The following AK4 variants were observed in gnomAD, a reference collection of about 807,000 sequenced individuals.
The protein encoded by AK4 is adenylate kinase 4.
A neutral mutation model predicts 24.6 loss-of-function variants in AK4; 13 were observed. The ratio of observed to expected loss-of-function variants is 0.53; its 90% CI spans 0.34 to 0.84. AK4 has a LOEUF of 0.84. AK4 is among the 40% of genes least tolerant of loss of function. The pLI, the probability that AK4 is intolerant of heterozygous loss-of-function variation, is 0.01. For synonymous variants in AK4, 88 were observed against 107.0 expected (o/e 0.82, Z 1.10); for missense variants, 192 against 288.2 (o/e 0.67, Z 2.42).
rs143760168 is a variant in AK4, at chr1:65,165,438, C to T, written c.145+16886C>T. Among the ~76,000 whole-genome samples, 775 of 152,056 alleles carry T rather than the reference C, an allele frequency of 5.1e-3. 9 individuals carry two copies. Among genetic ancestry groups the T allele is most frequent in the African/African-American group, 0.018 (733 of 41,486 alleles). ...CACACCACACCTTTTGTCCCAGCTA[C>T]TTGGGAGGCTGAGGCAGGAGGATCA... On this transcript the variant is annotated intron_variant, in intron 1 of 4. Coordinates refer to ENST00000327299, the MANE Select transcript of AK4 (RefSeq NM_013410.4).
chr1:65,215,527 A>G (rs1034070472), intron 2 of AK4, among the ~76,000 whole-genome samples: 1 of 152,038 alleles, frequency 6.6e-6, no homozygotes, highest in African/African-American at 2.4e-5. Context: ...TCAAATGGAG[A>G]ACCCTTGAAG....
intron 1 of AK4, among the ~76,000 whole-genome samples, chr1:65,170,480 A>T (rs766960749): frequency 6.6e-6 from 1 of 152,208 alleles, no homozygotes; most frequent in Non-Finnish European, 1.5e-5. Context: ...ACACTGCTGG[A>T]GCTCAGATCC....
chr1:65,175,673 C>T (rs1650689558), intron 1 of AK4, among the ~76,000 whole-genome samples: 1 of 152,136 alleles, frequency 6.6e-6, no homozygotes, highest in African/African-American at 2.4e-5. Context: ...CCAGAGGGCC[C>T]CTGAGATTTC....
intron 2 of AK4, among the ~76,000 whole-genome samples, chr1:65,191,843 T>C (rs1255488324): frequency 6.6e-6 from 1 of 152,054 alleles, no homozygotes; most frequent in Non-Finnish European, 1.5e-5. Context: ...CCAGAGATCA[T>C]TGGAATAACT....
intron 1 of AK4, among the ~76,000 whole-genome samples, chr1:65,162,727 G>A (rs747991598): frequency 6.6e-6 from 1 of 151,672 alleles, no homozygotes; most frequent in Non-Finnish European, 1.5e-5. Context: ...TTACAGAGTT[G>A]TAAAACGATC....
rs777015692 is a variant in AK4, at chr1:65,148,478, G to A, written c.71G>A (p.Arg24Lys). ...TCGGGCAAGGGCACCGTGTGCCAGAGGATCGCCCAGAACTTTGGTCTCCAG... is the reference window on the plus strand; with the variant it reads ...TCGGGCAAGGGCACCGTGTGCCAGAAGATCGCCCAGAACTTTGGTCTCCAG... ...PGSGKGTVCQ[R>K]IAQNFGLQHL... The change falls in exon 1 of 5, where the codon AGG becomes AAG. Residue 24 changes from arginine to lysine, a missense_variant. Arg to Lys is a conservative substitution (Grantham distance 26). Transcript: ENST00000327299. 3.3e-5 allele frequency: 52 copies of A among 1,576,522 alleles called. No individual in the cohort carries two copies. The African/African-American group carries it at 5.7e-4, about 17-fold the overall frequency.
intron 2 of AK4, among the ~76,000 whole-genome samples, chr1:65,195,658 T>C (rs912261668): frequency 5.9e-5 from 9 of 152,142 alleles, no homozygotes; most frequent in Non-Finnish European, 1.0e-4. Context: ...GGCCTCTGGT[T>C]GCTCATGAAA....
At chr1:65,184,137 ATC>A (rs939296299) in intron 1 of AK4, among the ~76,000 whole-genome samples, 5 of 152,218 alleles carry the variant, frequency 3.3e-5, no homozygotes, top group African/African-American at 9.6e-5. Context: ...CCAAGATTAT[ATC>A]TATTTGAATT....
chr1:65,179,618 C>T (rs1650832576), intron 1 of AK4, among the ~76,000 whole-genome samples: 2 of 152,064 alleles, frequency 1.3e-5, no homozygotes, highest in Non-Finnish European at 2.9e-5. Flanking sequence ...GCAGGAGGAT[C>T]CCTTGAACTC....
intron 3 of AK4, among the ~76,000 whole-genome samples, chr1:65,219,605 T>C (rs1652235750): frequency 6.6e-6 from 1 of 152,204 alleles, no homozygotes; most frequent in Non-Finnish European, 1.5e-5. Context: ...ATTAATATAC[T>C]TGATTTTTAG....
intron 1 of AK4, among the ~76,000 whole-genome samples, chr1:65,166,801 G>A (rs1305032214): frequency 6.6e-6 from 1 of 151,938 alleles, no homozygotes; most frequent in Non-Finnish European, 1.5e-5. Flanking sequence ...GATTACAGAT[G>A]TGAGCCACTG....
chr1:65,173,724 G>A (rs933565183), intron 1 of AK4, among the ~76,000 whole-genome samples: 5 of 152,100 alleles, frequency 3.3e-5, no homozygotes, highest in East Asian at 1.9e-4. Context: ...TTAGCCAGGC[G>A]TGGTAGCGCA....
intron 1 of AK4, among the ~76,000 whole-genome samples, chr1:65,173,524 G>A (rs1650610972): frequency 1.3e-5 from 2 of 151,996 alleles, no homozygotes; most frequent in Non-Finnish European, 2.9e-5. Flanking sequence ...GTCTTTCCTT[G>A]GAAAGGCTGC....
At chr1:65,170,040 TTC>T (rs962672572) in intron 1 of AK4, among the ~76,000 whole-genome samples, 4 of 152,036 alleles carry the variant, frequency 2.6e-5, no homozygotes, top group African/African-American at 7.2e-5. Context: ...CCAGGATATT[TTC>T]TGTTAGGTTG....
chr1:65,180,303 C>T (rs1418066705), intron 1 of AK4, among the ~76,000 whole-genome samples: 4 of 152,148 alleles, frequency 2.6e-5, no homozygotes, highest in African/African-American at 9.7e-5. Flanking sequence ...CAACAATTAG[C>T]TGGGCATGGT....
At chr1:65,200,829 G>T (rs1186835888) in intron 2 of AK4, among the ~76,000 whole-genome samples, 2 of 149,768 alleles carry the variant, frequency 1.3e-5, no homozygotes, top group Non-Finnish European at 3.0e-5. Flanking sequence ...ACGGAGTCTC[G>T]CTCTGTCCCA....
At chr1:65,183,170 C>CT (rs554193794) in intron 1 of AK4, among the ~76,000 whole-genome samples, 2 of 151,652 alleles carry the variant, frequency 1.3e-5, no homozygotes, top group African/African-American at 4.8e-5. Context: ...AACAGTGTAC[C>CT]TTTTTTTTTC....
chr1:65,189,596 A>T (rs1651224351), intron 1 of AK4, among the ~76,000 whole-genome samples: 1 of 151,990 alleles, frequency 6.6e-6, no homozygotes. Context: ...GATTCTTAGC[A>T]TTCATTATAA....
At chr1:65,183,213 A>AT (rs1650968176) in intron 1 of AK4, among the ~76,000 whole-genome samples, 1 of 151,574 alleles carries the variant, frequency 6.6e-6, no homozygotes. Flanking sequence ...AGCCTTTTGT[A>AT]TTTTGGATCT....
Sources: allele counts gnomAD v4.1 joint callset (sites outside exome capture counted in the v4.1 genomes callset), GRCh38; gene constraint gnomAD v4.1.1; transcripts MANE v1.5; gene names NCBI Gene and HGNC (gene_info 2026-07-23, HGNC 2026-07-21).